TPTE2: variants seen among roughly 807,000 people sequenced by gnomAD.
The protein encoded by TPTE2 is phosphatidylinositol 3,4,5-trisphosphate 3-phosphatase TPTE2.
TPTE2 carries 53 observed loss-of-function variants against 78.6 expected under a neutral mutation model. The ratio of observed to expected loss-of-function variants is 0.67; its 90% CI spans 0.54 to 0.85. TPTE2 has a LOEUF of 0.85. Among genes scored for constraint, TPTE2 ranks in the 40% least tolerant of loss-of-function variants. TPTE2 has a pLI of 0.00. For synonymous variants in TPTE2, 175 were observed against 206.2 expected, an observed-to-expected ratio of 0.85 and a Z score of 1.30; for missense variants, 461 against 623.0, an observed-to-expected ratio of 0.74 and a Z score of 2.77.
chr13:19,428,019 T>C (rs7325183), intron 17 of TPTE2, among the ~76,000 whole-genome samples: 3,692 of 152,224 alleles, frequency 0.024, 61 homozygotes, highest in Middle Eastern at 0.051. Flanking sequence ...TAACAGAAGG[T>C]GCAGAATGCA....
At chr13:19,425,651 T>C in intron 18 of TPTE2, 1 of 494,826 alleles carries the variant, frequency 2.0e-6, no homozygotes, top group South Asian at 1.5e-5. Flanking sequence ...TCATGGCTGC[T>C]TGCGTTAAAC....
At position 19,443,698 on chromosome 13, in the gene TPTE2, C is replaced by A. The variant is rs1877633667; in HGVS notation, c.974-5545G>T. Reference sequence around the variant, plus strand: ...GGGATTACAGGTGTAAGCCATGGCACCCAGCCAAGGAATTTCTTAATCGAT... The same window carrying A: ...GGGATTACAGGTGTAAGCCATGGCAACCAGCCAAGGAATTTCTTAATCGAT... On this transcript the variant is annotated intron_variant, in intron 13 of 19. Coordinates refer to ENST00000400230, the Ensembl canonical transcript of TPTE2. Among the ~76,000 whole-genome samples, 2 of 151,772 alleles carry A rather than the reference C, an allele frequency of 1.3e-5. 1 individual carries two copies. The highest frequency in any genetic ancestry group is 1.3e-4 in the Admixed American group (2 of 15,218).
Position 19,459,765 on chromosome 13 carries a change from C to A in TPTE2, c.741+4691G>T, listed in dbSNP as rs187624183. On this transcript the variant is annotated intron_variant, in intron 10 of 19. Coordinates refer to ENST00000400230, the Ensembl canonical transcript of TPTE2. Reference sequence around the variant, plus strand: ...GTCCTGCTTAAAGAAGCAGTCTGGTCATGATCTGGCAAGCCAGCTGTGCTG... The same window carrying A: ...GTCCTGCTTAAAGAAGCAGTCTGGTAATGATCTGGCAAGCCAGCTGTGCTG... Among the ~76,000 whole-genome samples, 787 of 152,300 alleles carry A rather than the reference C, an allele frequency of 5.2e-3. 8 individuals carry two copies. Among genetic ancestry groups the A allele is most frequent in the African/African-American group, 0.017 (726 of 41,562 alleles).
At chr13:19,533,890 CAATA>C (rs1476549928) in intron 1 of TPTE2, among the ~76,000 whole-genome samples, 1 of 152,152 alleles carries the variant, frequency 6.6e-6, no homozygotes, top group Non-Finnish European at 1.5e-5. Flanking sequence ...CTGAACTGTT[CAATA>C]AATAGTCAAG....
chr13:19,434,793 C>T (rs1465836909), intron 15 of TPTE2, among the ~76,000 whole-genome samples: 1 of 152,088 alleles, frequency 6.6e-6, no homozygotes, highest in Non-Finnish European at 1.5e-5. Context: ...ATTCCCAACC[C>T]GCTCTCACTT....
the TPTE2 span, among the ~76,000 whole-genome samples, chr13:19,555,431 T>C: frequency 6.6e-6 from 1 of 152,214 alleles, no homozygotes; most frequent in Non-Finnish European, 1.5e-5. Flanking sequence ...TTATTTGATG[T>C]GGTGGGAAAA....
intron 1 of TPTE2, among the ~76,000 whole-genome samples, chr13:19,522,058 T>C (rs1870183486): frequency 6.6e-6 from 1 of 152,224 alleles, no homozygotes; most frequent in Non-Finnish European, 1.5e-5. Context: ...TTAAATGTCC[T>C]AAGATACTTA....
At chr13:19,507,179 C>T (rs1372802800), upstream of TPTE2, among the ~76,000 whole-genome samples, 2 of 151,896 alleles carry the variant, frequency 1.3e-5, no homozygotes, top group Admixed American at 6.6e-5. Flanking sequence ...AGTGATATCA[C>T]TTCATTTGGG....
intron 4 of TPTE2, among the ~76,000 whole-genome samples, chr13:19,477,781 G>C (rs1417330055): frequency 6.6e-6 from 1 of 152,060 alleles, no homozygotes; most frequent in Non-Finnish European, 1.5e-5. Context: ...GACTTTTTTG[G>C]TTAAAAAAAG....
At chr13:19,531,867 C>T (rs1870898286) in intron 1 of TPTE2, among the ~76,000 whole-genome samples, 1 of 152,098 alleles carries the variant, frequency 6.6e-6, no homozygotes, top group South Asian at 2.1e-4. Flanking sequence ...GCAGAGGTTG[C>T]AGTGAGCCAA....
intron 1 of TPTE2, among the ~76,000 whole-genome samples, chr13:19,513,567 G>A (rs967038075): frequency 1.3e-4 from 20 of 152,252 alleles, no homozygotes; most frequent in African/African-American, 3.9e-4. Flanking sequence ...ATGCATACAC[G>A]ACTTTTTTTG....
At chr13:19,477,090 T>A (rs1438344557) in intron 4 of TPTE2, among the ~76,000 whole-genome samples, 1 of 152,156 alleles carries the variant, frequency 6.6e-6, no homozygotes, top group African/African-American at 2.4e-5. Context: ...GAGGCTCTTA[T>A]CCTTAGCAAA....
chr13:19,487,123 TG>T, intron 3 of TPTE2, among the ~76,000 whole-genome samples: 1 of 152,014 alleles, frequency 6.6e-6, no homozygotes, highest in East Asian at 1.9e-4. Flanking sequence ...AGTATTTCTG[TG>T]GGGGGTGGCC....
chr13:19,531,983 C>T lies in TPTE2; in HGVS notation c.-44+4613G>A, dbSNP rs949536498. On this transcript the variant is annotated intron_variant, in intron 1 of 17. Coordinates refer to the TPTE2 transcript ENST00000390680. ...ATACATAGCCTGCCTCTTCTCTAAC[C>T]GAGTTGTCAACTGTTTAAGAAATAG... Among the ~76,000 whole-genome samples, 22 of 152,200 alleles carry T rather than the reference C, an allele frequency of 1.4e-4. No individual in the cohort carries two copies. In the East Asian group the frequency reaches 2.9e-3, roughly 20 times the overall value.
chr13:19,452,173 A>T (rs1459456821), intron 10 of TPTE2, among the ~76,000 whole-genome samples: 3 of 152,158 alleles, frequency 2.0e-5, no homozygotes, highest in Non-Finnish European at 4.4e-5. Context: ...GGCAAGGATA[A>T]ATAGTTTTAC....
At chr13:19,546,942 A>G in the TPTE2 span, among the ~76,000 whole-genome samples, 1 of 152,238 alleles carries the variant, frequency 6.6e-6, no homozygotes, top group Non-Finnish European at 1.5e-5. Context: ...ATAAAACAAG[A>G]AAATTTAACC....
chr13:19,444,770 C>T (rs1028989312), intron 13 of TPTE2, among the ~76,000 whole-genome samples: 27 of 152,112 alleles, frequency 1.8e-4, no homozygotes, highest in African/African-American at 5.3e-4. Context: ...ATGATGAGGA[C>T]GTATTAGAAA....
chr13:19,487,878 C>A (rs995069543), intron 3 of TPTE2, among the ~76,000 whole-genome samples: 1 of 152,178 alleles, frequency 6.6e-6, no homozygotes, highest in Admixed American at 6.5e-5. Flanking sequence ...CAATTCTTGG[C>A]AGTACTCCAA....
chr13:19,443,024 A>C (rs1021188665), intron 13 of TPTE2, among the ~76,000 whole-genome samples: 2 of 152,270 alleles, frequency 1.3e-5, no homozygotes, highest in Non-Finnish European at 2.9e-5. Flanking sequence ...AGAGAAAATG[A>C]AATCTAACTC....
Sources: gnomAD v4.1 joint callset for allele counts (sites outside exome capture counted in the v4.1 genomes callset) on GRCh38, gnomAD v4.1.1 for gene constraint, MANE v1.5 for transcripts, NCBI Gene and HGNC (gene_info 2026-07-23, HGNC 2026-07-21) for gene names.